DNAJC21: variants seen among roughly 807,000 people sequenced by gnomAD.
DNAJC21 encodes the protein dnaJ homolog subfamily C member 21.
DNAJC21 carries 63 observed loss-of-function variants against 72.4 expected under a neutral mutation model. The ratio of observed to expected loss-of-function variants is 0.87; its 90% confidence interval spans 0.71 to 1.07. The LOEUF (loss-of-function observed/expected upper bound fraction) is 1.07. DNAJC21 is among the 50% of genes least tolerant of loss of function. The pLI, the probability that DNAJC21 is intolerant of heterozygous loss-of-function variation, is 0.00. For synonymous variants in DNAJC21, 203 were observed against 216.7 expected (o/e 0.94, Z 0.56); for missense variants, 634 against 644.8 (o/e 0.98, Z 0.18).
At position 34,937,314 on chromosome 5, in the gene DNAJC21, C is replaced by T; in HGVS notation, c.439-12C>T. ...TAAAGCGCAGAAGTTAATCTGTTTT[C>T]TTTGTCACTAGGTAGTCCATCCTTT... On this transcript the variant is annotated splice_polypyrimidine_tract_variant and intron_variant, in intron 4 of 11. Coordinates refer to ENST00000648817, the MANE Select transcript of DNAJC21 (RefSeq NM_001012339.3). 1 of 1,577,376 alleles carries T rather than the reference C, an allele frequency of 6.3e-7. No homozygotes were observed. Among genetic ancestry groups the T allele is most frequent in the African/African-American group, 1.4e-5 (1 of 72,854 alleles).
At chr5:34,949,588 A>G in intron 9 of DNAJC21, 1 of 1,578,818 alleles carries the variant, frequency 6.3e-7, no homozygotes, top group African/African-American at 1.3e-5. Context: ...TCACTTTCAG[A>G]TGGCTTGGGG....
Position 34,936,320 on chromosome 5 carries a change from A to T in DNAJC21, c.438+54A>T, listed in dbSNP as rs552235279. 1.1e-5 allele frequency: 18 copies of T among 1,585,112 alleles called. No homozygotes were observed. The African/African-American group carries it at 1.9e-4, about 17-fold the overall frequency. ...TAGTATTTATCACTGTGTCATTTTT[A>T]AATTTTATTTTACTTTTTGAGATGG... is the stretch of plus-strand genomic sequence containing the variant. On this transcript the variant is annotated intron_variant, in intron 4 of 11. Coordinates refer to ENST00000648817, the MANE Select transcript of DNAJC21 (RefSeq NM_001012339.3).
chr5:34,950,324 C>A lies in DNAJC21; in HGVS notation c.1340C>A (p.Pro447Gln). The change falls in exon 10 of 12, where the codon CCA becomes CAA. Residue 447 changes from proline to glutamine, a missense_variant. By Grantham distance (76) the Pro-to-Gln change is moderately conservative. Transcript: ENST00000648817. Reference sequence around the variant, plus strand: ...GAGATCATTAAACCATGTGATGATCCAAAAAGTGAAGCTAAAAGGTAAGTC... The same window carrying A: ...GAGATCATTAAACCATGTGATGATCAAAAAAGTGAAGCTAAAAGGTAAGTC... ...VTEIIKPCDD[P>Q]KSEAKSVPKP... is the part of the protein sequence containing the mutation. 1 of 1,606,282 alleles carries A rather than the reference C, an allele frequency of 6.2e-7. No individual in the cohort carries two copies. Among genetic ancestry groups the A allele is most frequent in the South Asian group, 1.1e-5 (1 of 88,626 alleles).
intron 5 of DNAJC21, among the ~76,000 whole-genome samples, chr5:34,938,573 A>G (rs1764875031): frequency 1.3e-5 from 2 of 152,186 alleles, no homozygotes; most frequent in African/African-American, 2.4e-5. Flanking sequence ...GAAAATTAAC[A>G]CTTTACCTAC....
intron 8 of DNAJC21, among the ~76,000 whole-genome samples, chr5:34,945,455 A>G (rs1392381798): frequency 6.6e-6 from 1 of 152,212 alleles, no homozygotes; most frequent in African/African-American, 2.4e-5. Context: ...ATGGAACTTT[A>G]TAGTGTTGAA....
intron 2 of DNAJC21, 70 bp from the exon 3 acceptor site, chr5:34,935,640 A>G: frequency 6.3e-7 from 1 of 1,595,140 alleles, no homozygotes; most frequent in Non-Finnish European, 8.6e-7. Context: ...TAATATTCAA[A>G]AGGAGCAAGA....
rs370361583 is a variant in DNAJC21 at position 34,956,364 on chromosome 5, CCTTT to C, written c.*1653_*1656del. 5 of 152,020 alleles carry C rather than the reference CCTTT, an allele frequency of 3.3e-5. No homozygotes were observed. The highest frequency in any genetic ancestry group is 9.7e-5 in the African/African-American group (4 of 41,372). 9.4% of individuals were successfully genotyped at this position (152,020 alleles called of 1,614,324 possible). ...ATATGTTTTTTTCTTTACCTTCATA[CCTTT>C]CTATTTCTTGCTAATTTCTATCACT... On this transcript the variant is annotated 3_prime_UTR_variant, in exon 12 of 12. Transcript: ENST00000648817.
intron 7 of DNAJC21, among the ~76,000 whole-genome samples, chr5:34,941,564 T>TTC (rs1429993111): frequency 1.5e-5 from 2 of 136,184 alleles, no homozygotes; most frequent in Non-Finnish European, 3.2e-5. Flanking sequence ...TGTTTTCTTT[T>TTC]TTTTTTTTTT....
Position 34,957,695 on chromosome 5 carries a change from AACTC to A in DNAJC21, c.*2984_*2987del, listed in dbSNP as rs569346595. 1 of 152,220 alleles carries A rather than the reference AACTC, an allele frequency of 6.6e-6. No homozygotes were observed. Among genetic ancestry groups the A allele is most frequent in the Non-Finnish European group, 1.5e-5 (1 of 68,026 alleles). 9.4% of individuals were successfully genotyped at this position (152,220 alleles called of 1,614,324 possible). The stretch of plus-strand genomic sequence containing the variant: ...AAGATTGTCTCTAAAATTGTGGTTT[AACTC>A]ACGCAGGAAGTAAAATTCCTATAGC... On this transcript the variant is annotated 3_prime_UTR_variant, in exon 12 of 12. Coordinates refer to ENST00000648817, the MANE Select transcript of DNAJC21 (RefSeq NM_001012339.3).
Position 34,944,860 on chromosome 5 carries a change from C to T in DNAJC21, c.984-7C>T, listed in dbSNP as rs1440830360. On this transcript the variant is annotated splice_polypyrimidine_tract_variant and splice_region_variant and intron_variant, in intron 7 of 11. Transcript: ENST00000648817. ...GCGCAGCTGCTCACGTCAGATTGCT[C>T]TTTCAGCATGAAGAATCACGAGAAG... 1.9e-6 allele frequency: 3 copies of T among 1,613,932 alleles called. No homozygotes were observed. The East Asian group carries it at 6.7e-5, about 36-fold the overall frequency.
chr5:34,941,223 G>A, intron 7 of DNAJC21, 40 bp downstream of exon 7: 1 of 1,543,374 alleles, frequency 6.5e-7, no homozygotes, highest in Non-Finnish European at 8.9e-7. Flanking sequence ...TTTGAGACAG[G>A]GTCTCACTCT....
At position 34,957,932 on chromosome 5, in the gene DNAJC21, A is replaced by G. The variant is rs1056742773; in HGVS notation, c.*3218A>G. The G allele has an allele frequency of 1.3e-5, 2 of 152,218 alleles. No homozygotes were observed. The highest frequency in any genetic ancestry group is 4.8e-5 in the African/African-American group (2 of 41,460). The allele number at this position is 152,218 out of a possible 1,614,324, so 9.4% of individuals were successfully genotyped here. ...TTCAATTCCCTTCCTTATCTGTTAA[A>G]TTTAATGTCTTTATACTAAAAATAT... On this transcript the variant is annotated 3_prime_UTR_variant, in exon 12 of 12. Coordinates refer to ENST00000648817, the MANE Select transcript of DNAJC21 (RefSeq NM_001012339.3).
chr5:34,939,476 A>G (rs1324361583), intron 6 of DNAJC21, among the ~76,000 whole-genome samples: 1 of 151,908 alleles, frequency 6.6e-6, no homozygotes, highest in Non-Finnish European at 1.5e-5. Context: ...CTTGTTAGCC[A>G]GGATGGTCTC....
intron 6 of DNAJC21, among the ~76,000 whole-genome samples, chr5:34,939,282 G>A (rs1408645376): frequency 2.0e-5 from 3 of 149,976 alleles, no homozygotes; most frequent in East Asian, 2.0e-4. Context: ...TTTTTGAGAC[G>A]GAGTCTCGCT....
intron 9 of DNAJC21, 38 bp from the exon 10 acceptor site, chr5:34,950,132 T>C (rs2112093412): frequency 1.3e-6 from 2 of 1,559,530 alleles, no homozygotes; most frequent in South Asian, 1.3e-5. Flanking sequence ...AGTAGTATTA[T>C]ATTTATTTTG....
chr5:34,933,875 A>T lies in DNAJC21; in HGVS notation c.158A>T (p.Tyr53Phe). 6.2e-7 allele frequency: 1 copy of T among 1,613,984 alleles called. No homozygotes were observed. Among genetic ancestry groups the T allele is most frequent in the Non-Finnish European group, 8.5e-7 (1 of 1,179,940 alleles). Residue 53 changes from tyrosine to phenylalanine, a missense_variant, in exon 2 of 12, where the codon TAT becomes TTT. Tyr to Phe is a conservative substitution (Grantham distance 22, BLOSUM62 3). Transcript: ENST00000648817. The stretch of plus-strand genomic sequence containing the variant: ...CAATTTAAATTAATCCAAGCAGCAT[A>T]TGATGTGTTGAGTGACCCTCAGGAA... Reference protein sequence around the residue: ...AEQFKLIQAAYDVLSDPQERA... With the variant: ...AEQFKLIQAAFDVLSDPQERA...
At chr5:34,954,158 T>TA in intron 11 of DNAJC21, 157 bp downstream of exon 11, 2 of 601,686 alleles carry the variant, frequency 3.3e-6, no homozygotes, top group Non-Finnish European at 5.4e-6. Context: ...TGTATCTTTT[T>TA]TTTTCATTAA....
At position 34,941,952 on chromosome 5, in the gene DNAJC21, A is replaced by G. The variant is rs544466767; in HGVS notation, c.983+769A>G. On this transcript the variant is annotated intron_variant, in intron 7 of 11. Transcript: ENST00000648817. Reference sequence around the variant, plus strand: ...TAGCAGTTGATAACTAGCCCCACATACTGTCTCGGGGGATTCCTTTCCAGC... The same window carrying G: ...TAGCAGTTGATAACTAGCCCCACATGCTGTCTCGGGGGATTCCTTTCCAGC... Among the ~76,000 whole-genome samples, 7 of 151,308 alleles carry G rather than the reference A, an allele frequency of 4.6e-5. No individual in the cohort carries two copies. The East Asian group carries it at 1.4e-3, about 30-fold the overall frequency.
intron 1 of DNAJC21, among the ~76,000 whole-genome samples, chr5:34,930,625 G>T (rs1436606802): frequency 6.6e-6 from 1 of 152,140 alleles, no homozygotes; most frequent in Non-Finnish European, 1.5e-5. Context: ...TGACTTTTAT[G>T]AAGTAATCTG....
Sources: gnomAD v4.1 joint callset for allele counts (sites outside exome capture counted in the v4.1 genomes callset) on GRCh38, gnomAD v4.1.1 for gene constraint, MANE v1.5 for transcripts, NCBI Gene and HGNC (gene_info 2026-07-23, HGNC 2026-07-21) for gene names.